Variants in FANCL observed in about 807,000 individuals in gnomAD.
The protein encoded by FANCL is E3 ubiquitin-protein ligase FANCL.
Under a neutral mutation model 59.4 loss-of-function variants are expected in FANCL, and 69 were observed. That is an observed-to-expected ratio of 1.16 (90% CI 0.96 to 1.42). FANCL has a LOEUF of 1.42. Ranked by LOEUF, FANCL falls within the 40% of genes most tolerant of loss-of-function variation. FANCL has a pLI of 0.00. For missense variants in FANCL, 519 were observed against 447.2 expected (o/e 1.16, Z -1.45); for synonymous variants, 180 against 147.1 (o/e 1.22, Z -1.62).
At chr2:58,210,017 T>C (rs141292416) in intron 5 of FANCL, among the ~76,000 whole-genome samples, 270 of 152,312 alleles carry the variant, frequency 1.8e-3, no homozygotes, top group Middle Eastern at 6.8e-3. Flanking sequence ...TTCAACTAGT[T>C]GAAGTGTACT....
intron 1 of FANCL, among the ~76,000 whole-genome samples, chr2:58,239,005 C>T (rs537044759): frequency 1.7e-4 from 26 of 152,212 alleles, no homozygotes; most frequent in African/African-American, 6.3e-4. Context: ...GTCCATGCAT[C>T]CATTCTAATA....
intron 5 of FANCL, among the ~76,000 whole-genome samples, chr2:58,215,923 A>G (rs1191869482): frequency 1.3e-5 from 2 of 152,126 alleles, no homozygotes; most frequent in Non-Finnish European, 1.5e-5. Context: ...TAGAAAGTTC[A>G]TAATACAAGG....
intron 11 of FANCL, 65 bp downstream of exon 11, chr2:58,162,801 G>A (rs1218856134): frequency 2.2e-6 from 3 of 1,357,096 alleles, no homozygotes; most frequent in Non-Finnish European, 3.2e-6. Context: ...ATTTTTCACT[G>A]AGAGAAGCAT....
intron 1 of FANCL, among the ~76,000 whole-genome samples, chr2:58,239,079 T>C (rs541246215): frequency 4.6e-5 from 7 of 152,284 alleles, no homozygotes; most frequent in South Asian, 4.1e-4. Context: ...TTCATAAATA[T>C]AGAAATGACA....
At chr2:58,223,140 G>GAA (rs796713283) in intron 4 of FANCL, among the ~76,000 whole-genome samples, 35 of 134,318 alleles carry the variant, frequency 2.6e-4, no homozygotes, top group African/African-American at 7.7e-4. Context: ...GCTTTATGAT[G>GAA]AAAAAAAAAA....
intron 5 of FANCL, among the ~76,000 whole-genome samples, chr2:58,218,825 T>C (rs748285722): frequency 5.3e-5 from 8 of 151,934 alleles, no homozygotes; most frequent in Non-Finnish European, 1.0e-4. Flanking sequence ...CAAAACTACA[T>C]ATGGTAATGG....
chr2:58,168,503 A>G (rs910115115), intron 7 of FANCL, among the ~76,000 whole-genome samples: 1 of 152,116 alleles, frequency 6.6e-6, no homozygotes, highest in Admixed American at 6.5e-5. Flanking sequence ...CTGGGTTTCA[A>G]GCACAAAACT....
intron 7 of FANCL, among the ~76,000 whole-genome samples, chr2:58,188,752 A>G (rs1306130508): frequency 3.3e-5 from 5 of 150,540 alleles, no homozygotes; most frequent in African/African-American, 1.2e-4. Flanking sequence ...AATTTTGTCA[A>G]TTTCTTAAAT....
intron 7 of FANCL, among the ~76,000 whole-genome samples, chr2:58,177,434 T>C (rs1354368700): frequency 6.6e-6 from 1 of 151,980 alleles, no homozygotes; most frequent in Non-Finnish European, 1.5e-5. Flanking sequence ...ATATACACCA[T>C]GGAATACTAT....
chr2:58,230,405 A>T (rs1693465525), intron 2 of FANCL, among the ~76,000 whole-genome samples: 1 of 152,014 alleles, frequency 6.6e-6, no homozygotes, highest in African/African-American at 2.4e-5. Context: ...TAGGCTCAAG[A>T]AACCCTCCCG....
intron 5 of FANCL, among the ~76,000 whole-genome samples, chr2:58,219,172 ATATATATATATATATATAT>A (rs1456259997): frequency 2.7e-5 from 1 of 36,528 alleles, no homozygotes; most frequent in Non-Finnish European, 4.3e-5. Flanking sequence ...AAAAAAAAAA[ATATATATATATATATATAT>A]ATATATATAT....
chr2:58,162,298 T>C (rs1056950514), intron 11 of FANCL, among the ~76,000 whole-genome samples: 5 of 152,038 alleles, frequency 3.3e-5, no homozygotes, highest in Non-Finnish European at 5.9e-5. Flanking sequence ...AACACTTACA[T>C]CAAGCTAATC....
chr2:58,224,960 G>C (rs913124323), intron 4 of FANCL, among the ~76,000 whole-genome samples: 1 of 151,860 alleles, frequency 6.6e-6, no homozygotes, highest in Non-Finnish European at 1.5e-5. Flanking sequence ...CAAGTTTCCA[G>C]ATTGAGGCAT....
At chr2:58,167,153 A>G (rs1350537171) in intron 7 of FANCL, among the ~76,000 whole-genome samples, 1 of 152,224 alleles carries the variant, frequency 6.6e-6, no homozygotes, top group African/African-American at 2.4e-5. Context: ...CAGAGGTTGC[A>G]GTGGGCCGAG....
rs1688257095 is a variant in FANCL at position 58,184,902 on chromosome 2, C to T, written c.540+13692G>A. ...ATAAATAATAGCCAAGTACATTCTA[C>T]TTCGCCTTCCACAAAAGGTTTGCAG... On this transcript the variant is annotated intron_variant, in intron 7 of 13. Coordinates refer to ENST00000233741, the MANE Select transcript of FANCL (RefSeq NM_018062.4). Among the ~76,000 whole-genome samples the T allele has an allele frequency of 7.2e-5, 11 of 152,234 alleles. No homozygotes were observed. The South Asian group carries it at 2.1e-3, about 29-fold the overall frequency.
At chr2:58,177,530 A>T (rs369011323) in intron 7 of FANCL, among the ~76,000 whole-genome samples, 1 of 150,582 alleles carries the variant, frequency 6.6e-6, no homozygotes, top group Non-Finnish European at 1.5e-5. Flanking sequence ...CTATCGCAAG[A>T]ACAAAAAACC....
intron 7 of FANCL, among the ~76,000 whole-genome samples, chr2:58,192,840 G>C (rs947128426): frequency 1.3e-5 from 2 of 151,830 alleles, no homozygotes; most frequent in Non-Finnish European, 2.9e-5. Flanking sequence ...AGGCTATGCT[G>C]TTTTTTCTAA....
intron 5 of FANCL, among the ~76,000 whole-genome samples, chr2:58,220,743 G>A (rs1050704122): frequency 3.9e-5 from 6 of 152,146 alleles, no homozygotes; most frequent in Non-Finnish European, 7.4e-5. Context: ...ATAGAAAATA[G>A]CTAAAAAACA....
chr2:58,168,984 G>C (rs1166187116), intron 7 of FANCL, among the ~76,000 whole-genome samples: 1 of 152,162 alleles, frequency 6.6e-6, no homozygotes, highest in Non-Finnish European at 1.5e-5. Context: ...ATCTCCCTGG[G>C]ACAGAGCACG....
Sources: allele counts gnomAD v4.1 joint callset (sites outside exome capture counted in the v4.1 genomes callset), GRCh38; gene constraint gnomAD v4.1.1; transcripts MANE v1.5; gene names NCBI Gene and HGNC (gene_info 2026-07-23, HGNC 2026-07-21).